EIF4E3: variants seen among roughly 807,000 people sequenced by gnomAD.
EIF4E3 encodes the protein eukaryotic translation initiation factor 4E family member 3.
A neutral mutation model predicts 31.7 loss-of-function variants in EIF4E3; 26 were observed. The ratio of observed to expected loss-of-function variants is 0.82; its 90% confidence interval spans 0.60 to 1.14. The LOEUF (loss-of-function observed/expected upper bound fraction) is 1.14, where lower values mean the gene tolerates loss of function less well. Among genes scored for constraint, EIF4E3 ranks in the 50% most tolerant of loss-of-function variants. The pLI is 0.00. For missense variants in EIF4E3, 304 were observed against 270.9 expected, an observed-to-expected ratio of 1.12 and a Z score of -0.86; for synonymous variants, 128 against 107.7, an observed-to-expected ratio of 1.19 and a Z score of -1.17.
chr3:71,726,770 T>C (rs2049644705), upstream of EIF4E3, among the ~76,000 whole-genome samples: 1 of 152,208 alleles, frequency 6.6e-6, no homozygotes, highest in Admixed American at 6.5e-5. Context: ...TAAACTTAAC[T>C]TCTATACAAC....
rs528287934 is a variant in EIF4E3 at position 71,696,576 on chromosome 3, A to G, written c.345-56T>C. On this transcript the variant is annotated intron_variant, in intron 3 of 6. Coordinates refer to ENST00000425534, the MANE Select transcript of EIF4E3 (RefSeq NM_001134651.2). ...CTCAGGACTAAGTGATTCTACATAC[A>G]GTTAGATTAAATATCTCTTCATACA... The G allele has an allele frequency of 1.0e-5, 16 of 1,589,930 alleles. No individual in the cohort carries two copies. The African/African-American group carries it at 1.7e-4, about 17-fold the overall frequency.
chr3:71,670,478 C>T (rs926963513), downstream of EIF4E3, among the ~76,000 whole-genome samples: 3 of 152,164 alleles, frequency 2.0e-5, no homozygotes, highest in Non-Finnish European at 4.4e-5. Flanking sequence ...AACTTTCTTC[C>T]GTGTCTTTAG....
chr3:71,754,721 C>T, upstream of EIF4E3: 1 of 1,480,040 alleles, frequency 6.8e-7, no homozygotes. This position sits in a 1 kb window ranked among gnomAD's most constrained non-coding sequence, Gnocchi z 5.8. Context: ...CCGCCGTCAG[C>T]CACGACTGGA....
At chr3:71,717,302 T>C (rs866707237) in intron 1 of EIF4E3, among the ~76,000 whole-genome samples, 1 of 152,198 alleles carries the variant, frequency 6.6e-6, no homozygotes, top group East Asian at 1.9e-4. Context: ...CAAGTTATCG[T>C]AAGAAATGCT....
rs568450284 is a variant in EIF4E3, at chr3:71,702,099, C to T, written c.250-2391G>A. ...TCAGCTATTTTCTTCGAAGATACTA[C>T]TATATGTTTTTGACACATCTTTCTC... On this transcript the variant is annotated intron_variant, in intron 2 of 6. Transcript: ENST00000425534. 1.1e-4 allele frequency among the ~76,000 whole-genome samples: 16 copies of T among 152,284 alleles called. No individual in the cohort carries two copies. The South Asian group carries it at 3.1e-3, about 30-fold the overall frequency.
At chr3:71,670,357 T>C in the EIF4E3 span, among the ~76,000 whole-genome samples, 4 of 152,130 alleles carry the variant, frequency 2.6e-5, no homozygotes, top group African/African-American at 9.7e-5. Context: ...CTGCATTTCT[T>C]TTGCCCCTCC....
intron 1 of EIF4E3, among the ~76,000 whole-genome samples, chr3:71,751,813 A>G (rs372641878): frequency 6.6e-6 from 1 of 152,162 alleles, no homozygotes; most frequent in African/African-American, 2.4e-5. Flanking sequence ...TCGGCAGCCT[A>G]CTGTGATCAT....
chr3:71,724,267 T>C (rs2049594031), intron 1 of EIF4E3, among the ~76,000 whole-genome samples: 3 of 152,328 alleles, frequency 2.0e-5, no homozygotes, highest in South Asian at 4.1e-4. Flanking sequence ...GTGTTCTTAC[T>C]AGGGACCAGG....
chr3:71,731,560 C>T (rs910895231), intron 1 of EIF4E3, among the ~76,000 whole-genome samples: 5 of 152,224 alleles, frequency 3.3e-5, no homozygotes, highest in Non-Finnish European at 7.3e-5. Flanking sequence ...CCTTTGTCCA[C>T]CCAGTGCCTA....
At chr3:71,687,307 A>G (rs1430932421) in intron 6 of EIF4E3, among the ~76,000 whole-genome samples, 1 of 152,166 alleles carries the variant, frequency 6.6e-6, no homozygotes, top group Non-Finnish European at 1.5e-5. Context: ...TGACCTCTGT[A>G]TCAATTACTA....
chr3:71,753,623 G>C (rs1316170177), exon 1 of EIF4E3: 2 of 147,240 alleles, frequency 1.4e-5, no homozygotes, highest in Non-Finnish European at 3.0e-5. Flanking sequence ...CGCGCTGCGC[G>C]CTCCGGCGGA....
the EIF4E3 span, among the ~76,000 whole-genome samples, chr3:71,666,980 C>A: frequency 1.3e-5 from 2 of 151,960 alleles, no homozygotes; most frequent in African/African-American, 2.4e-5. Flanking sequence ...ATATCCCTGA[C>A]GAACATCAAT....
chr3:71,707,508 C>T (rs1002715715), intron 2 of EIF4E3, among the ~76,000 whole-genome samples: 4 of 152,178 alleles, frequency 2.6e-5, no homozygotes, highest in Non-Finnish European at 5.9e-5. Flanking sequence ...GGCACTATTA[C>T]TACCTCAGTT....
intron 1 of EIF4E3, among the ~76,000 whole-genome samples, chr3:71,712,892 T>C (rs1335601957): frequency 1.4e-5 from 2 of 146,612 alleles, no homozygotes; most frequent in Admixed American, 1.4e-4. Context: ...AAATTTGCTA[T>C]ATATGGTTCT....
intron 5 of EIF4E3, among the ~76,000 whole-genome samples, chr3:71,691,279 T>C (rs545355421): frequency 6.6e-6 from 1 of 152,214 alleles, no homozygotes; most frequent in Non-Finnish European, 1.5e-5. Context: ...GTTTTTCCAA[T>C]TGTCTTCTGG....
intron 3 of EIF4E3, among the ~76,000 whole-genome samples, chr3:71,697,391 T>A (rs2049154398): frequency 6.6e-6 from 1 of 152,226 alleles, no homozygotes; most frequent in Admixed American, 6.5e-5. Flanking sequence ...TATCTATCCA[T>A]CACCTCGAGT....
At chr3:71,719,885 A>G (rs1482403977) in intron 1 of EIF4E3, among the ~76,000 whole-genome samples, 5 of 151,946 alleles carry the variant, frequency 3.3e-5, no homozygotes, top group African/African-American at 9.7e-5. Context: ...GTAGTAGCAC[A>G]TGCCTGTTGT....
intron 2 of EIF4E3, among the ~76,000 whole-genome samples, chr3:71,704,699 CA>C (rs746632792): frequency 6.6e-5 from 10 of 152,130 alleles, no homozygotes; most frequent in Non-Finnish European, 1.2e-4. Context: ...CAGGAGGGGT[CA>C]GGGGTATTTC....
intron 5 of EIF4E3, among the ~76,000 whole-genome samples, chr3:71,692,886 C>G (rs78747802): frequency 6.6e-6 from 1 of 152,102 alleles, no homozygotes; most frequent in African/African-American, 2.4e-5. Flanking sequence ...TGGGCCACCA[C>G]GCCCAGCGCA....
Sources: gnomAD v4.1 joint callset for allele counts (sites outside exome capture counted in the v4.1 genomes callset) on GRCh38, gnomAD v4.1.1 for gene constraint, Gnocchi (gnomAD v3.1) non-coding constraint, MANE v1.5 for transcripts, NCBI Gene and HGNC (gene_info 2026-07-23, HGNC 2026-07-21) for gene names.